DNAH2: variants seen among roughly 807,000 people sequenced by gnomAD.
DNAH2 encodes axonemal beta dynein heavy chain 2.
A neutral mutation model predicts 523.5 loss-of-function variants in DNAH2; 323 were observed. The observed-to-expected ratio is 0.62, with a 90% CI of 0.56 to 0.68. The LOEUF is 0.68. Ranked by LOEUF, DNAH2 falls within the 30% of genes least tolerant of loss-of-function variation. The pLI is 0.00. For missense variants in DNAH2, 4,907 were observed against 5,701.5 expected, an observed-to-expected ratio of 0.86 and a Z score of 4.49; for synonymous variants, 2,093 against 2,177.4, an observed-to-expected ratio of 0.96 and a Z score of 1.08.
At chr17:7,767,267 C>T (rs891369091) in intron 22 of DNAH2, among the ~76,000 whole-genome samples, 2 of 152,116 alleles carry the variant, frequency 1.3e-5, no homozygotes, top group African/African-American at 2.4e-5. Context: ...TGGATCAGTA[C>T]TTTTTTAAAT....
rs201319640 is a variant in DNAH2, at chr17:7,792,996, G to A, written c.7360G>A (p.Val2454Met). 94 of 1,612,248 alleles carry A rather than the reference G, an allele frequency of 5.8e-5. No homozygotes were observed. Among genetic ancestry groups the A allele is most frequent in the African/African-American group, 2.4e-4 (18 of 74,982 alleles). The change falls in exon 48 of 86, where the codon GTG becomes ATG. Residue 2454 changes from valine to methionine, a missense_variant. By Grantham distance (21) the Val-to-Met change is conservative. Transcript: ENST00000572933. ...NMSAQTTSNN[V>M]QSIIESRVEK... ...TTTTCACCAGACCACATCCAATAAC[G>A]TGCAGAGCATCATTGAGAGCAGGGT...
chr17:7,829,899 G>A lies in DNAH2; in HGVS notation c.11854-401G>A, dbSNP rs183894601. Among the ~76,000 whole-genome samples, 391 of 151,966 alleles carry A rather than the reference G, an allele frequency of 2.6e-3. 3 individuals are homozygous for A. The highest frequency in any genetic ancestry group is 8.4e-3 in the African/African-American group (346 of 41,408). ...AAATTAGCTGGGCATGGTGGTGGGC[G>A]CCTGTAATCACAGCTACTTGGGAGG... On this transcript the variant is annotated intron_variant, in intron 77 of 85. Coordinates refer to ENST00000572933, the MANE Select transcript of DNAH2 (RefSeq NM_020877.5).
chr17:7,764,782 C>CTTTTT (rs59188289), intron 20 of DNAH2, among the ~76,000 whole-genome samples: 21 of 49,494 alleles, frequency 4.2e-4, no homozygotes, highest in Non-Finnish European at 6.3e-4. Context: ...ACTGTATTTA[C>CTTTTT]TTTTTTTTTT....
Position 7,798,197 on chromosome 17 carries a change from C to T in DNAH2, c.8271C>T (p.Asn2757=), listed in dbSNP as rs762069609. 21 of 1,611,028 alleles carry T rather than the reference C, an allele frequency of 1.3e-5. No individual in the cohort carries two copies. The Admixed American group carries it at 3.2e-4, about 24-fold the overall frequency. The change falls in exon 54 of 86, where the codon AAC becomes AAT. Residue 2757 remains asparagine (N), a synonymous_variant. Coordinates refer to ENST00000572933, the MANE Select transcript of DNAH2 (RefSeq NM_020877.5). The surrounding 1 kb of genome is among the most constrained non-coding windows in gnomAD (Gnocchi z 5.5). ...IVRVIGQPRG[N]MLLVGIGGSG... ...GGGTCATTGGACAGCCTCGGGGCAACATGCTCCTGGTGGGTATCGGGGGCA... is the reference window on the plus strand; with the variant it reads ...GGGTCATTGGACAGCCTCGGGGCAATATGCTCCTGGTGGGTATCGGGGGCA...
intron 39 of DNAH2, among the ~76,000 whole-genome samples, chr17:7,783,060 G>A (rs1246754709): frequency 6.6e-6 from 1 of 152,112 alleles, no homozygotes; most frequent in Non-Finnish European, 1.5e-5. Context: ...TCTTCAGGAG[G>A]ACTGTTTTTT....
At position 7,723,603 on chromosome 17, in the gene DNAH2, C is replaced by T. The variant is rs751622041; in HGVS notation, c.167-25C>T. On this transcript the variant is annotated intron_variant, in intron 2 of 85. Transcript: ENST00000572933. ...GTTTAACTTTCCAAGAAATGCCTTC[C>T]TTTTTGTATGTTTATTCTTCCTAGA... 9 of 1,611,276 alleles carry T rather than the reference C, an allele frequency of 5.6e-6. 1 individual carries two copies. The Admixed American group carries it at 1.2e-4, about 21-fold the overall frequency.
chr17:7,768,576 C>T (rs1170797582), intron 24 of DNAH2, among the ~76,000 whole-genome samples: 2 of 152,172 alleles, frequency 1.3e-5, no homozygotes, highest in Non-Finnish European at 2.9e-5. Flanking sequence ...AAAAGCTACT[C>T]TCAGTGATTT....
At position 7,816,586 on chromosome 17, in the gene DNAH2, G is replaced by A; in HGVS notation, c.9745G>A (p.Glu3249Lys). 1 of 1,614,226 alleles carries A rather than the reference G, an allele frequency of 6.2e-7. No individual in the cohort carries two copies. Among genetic ancestry groups the A allele is most frequent in the Non-Finnish European group, 8.5e-7 (1 of 1,180,042 alleles). Residue 3249 changes from glutamate (E) to lysine (K), a missense_variant, in exon 64 of 86, where the codon GAG becomes AAG. This residue lies in a region of DNAH2 where 1,851 missense variants were observed against 2,139.4 expected (regional missense o/e 0.87). Transcript: ENST00000572933. ...TCTCTCCCAGGTAGCTGAGAAACTG[G>A]AGATGCTAAAGAAACAGTATGATGA... ...EKLREVAEKL[E>K]MLKKQYDEKL...
chr17:7,800,826 T>C (rs942914230), intron 56 of DNAH2, among the ~76,000 whole-genome samples: 5 of 145,194 alleles, frequency 3.4e-5, no homozygotes, highest in South Asian at 4.6e-4. Context: ...TAGATGGCGC[T>C]ACTGCACTCC....
chr17:7,829,913 C>T (rs574267931), intron 77 of DNAH2, among the ~76,000 whole-genome samples: 1 of 151,212 alleles, frequency 6.6e-6, no homozygotes, highest in Admixed American at 6.6e-5. Context: ...GTAATCACAG[C>T]TACTTGGGAG....
Position 7,723,261 on chromosome 17 carries a change from T to C in DNAH2, c.167-367T>C, listed in dbSNP as rs552703848. 6.2e-3 allele frequency among the ~76,000 whole-genome samples: 823 copies of C among 132,544 alleles called. 5 individuals carry two copies. Among genetic ancestry groups the C allele is most frequent in the Middle Eastern group, 0.024 (6 of 254 alleles). 87.0% of individuals were successfully genotyped at this position (132,544 alleles called of 152,430 possible). A position where few individuals can be genotyped will look rare whatever the true frequency, so the allele number is the denominator to read the frequency against. On this transcript the variant is annotated intron_variant, in intron 2 of 85. Coordinates refer to ENST00000572933, the MANE Select transcript of DNAH2 (RefSeq NM_020877.5). ...CTGGGATTACAGGTGTGAGCCACTG[T>C]ACCCGGCTTTTTTTTTTTTTTTTTT...
In DNAH2 at chr17:7,739,852, C is replaced by G. The variant is rs764171940; in HGVS notation, c.1290C>G (p.Ile430Met). Residue 430 changes from isoleucine (I) to methionine (M), a missense_variant, in exon 9 of 86, where the codon ATC (isoleucine) becomes ATG (methionine). Around this residue, in one of 3 missense-constraint regions of DNAH2, gnomAD observed 2,806 missense variants for 3,190.8 expected, o/e 0.88. Transcript: ENST00000572933. ...ITRNLLEIED[I>M]FHKNLHTLRA... ...GGAACTTGCTGGAGATTGAGGACAT[C>G]TTTCATAAAAATCTGCACACGCTGC... 3.7e-6 allele frequency: 6 copies of G among 1,613,930 alleles called. No homozygotes were observed. Among genetic ancestry groups the G allele is most frequent in the East Asian group, 4.5e-5 (2 of 44,882 alleles).
chr17:7,741,002 T>C lies in DNAH2; in HGVS notation c.1689+10T>C, dbSNP rs758472851. On this transcript the variant is annotated intron_variant, in intron 11 of 85. Coordinates refer to ENST00000572933, the MANE Select transcript of DNAH2 (RefSeq NM_020877.5). Reference sequence around the variant, plus strand: ...CGACAGAGTCATGACCGTAAGTGCCTGGCCTTCTCCATATTCTGTCGTCAG... The same window carrying C: ...CGACAGAGTCATGACCGTAAGTGCCCGGCCTTCTCCATATTCTGTCGTCAG... 1 of 1,590,178 alleles carries C rather than the reference T, an allele frequency of 6.3e-7. No individual in the cohort carries two copies.
At chr17:7,724,742 C>CT (rs57294591) in intron 3 of DNAH2, among the ~76,000 whole-genome samples, 3,748 of 130,366 alleles carry the variant, frequency 0.029, 180 homozygotes, top group Non-Finnish European at 0.044. Flanking sequence ...TCATATGTTA[C>CT]TTTTTTTTTT....
At chr17:7,749,920 C>A (rs1440337398) in intron 12 of DNAH2, among the ~76,000 whole-genome samples, 2 of 152,084 alleles carry the variant, frequency 1.3e-5, no homozygotes, top group African/African-American at 4.8e-5. Flanking sequence ...TCGCTTGAAC[C>A]CGGGAGGCAG....
Position 7,798,223 on chromosome 17 carries a change from G to A in DNAH2, c.8297G>A (p.Ser2766Asn). The A allele has an allele frequency of 6.2e-7, 1 of 1,613,758 alleles. No individual in the cohort carries two copies. Among genetic ancestry groups the A allele is most frequent in the Non-Finnish European group, 8.5e-7 (1 of 1,179,680 alleles). The change falls in exon 54 of 86, where the codon AGC becomes AAC. Residue 2766 changes from serine to asparagine, a missense_variant. Transcript: ENST00000572933. This position sits in a 1 kb window ranked among gnomAD's most constrained non-coding sequence, Gnocchi z 5.5. ...GNMLLVGIGGSGRQSLARLAS... is the reference protein window; with the variant it reads ...GNMLLVGIGGNGRQSLARLAS... The stretch of plus-strand genomic sequence containing the variant: ...ATGCTCCTGGTGGGTATCGGGGGCA[G>A]CGGACGCCAGAGTCTGGCCCGCCTG...
rs1306671973 is a variant in DNAH2 at position 7,807,494 on chromosome 17, G to A, written c.9637G>A (p.Val3213Met). Reference protein sequence around the residue: ...MELYGRLYRVVEPKRIRMNAA... With the variant: ...MELYGRLYRVMEPKRIRMNAA... Reference sequence around the variant, plus strand: ...GCTGTATGGGCGGCTATATCGGGTGGTGGAGCCCAAGCGAATCCGAATGAA... The same window carrying A: ...GCTGTATGGGCGGCTATATCGGGTGATGGAGCCCAAGCGAATCCGAATGAA... Residue 3213 changes from valine to methionine, a missense_variant, in exon 63 of 86, where the codon GTG becomes ATG. By Grantham distance (21) the Val-to-Met change is conservative. This residue lies in a region of DNAH2 where 1,851 missense variants were observed against 2,139.4 expected (regional missense o/e 0.87). Transcript: ENST00000572933. This position sits in a 1 kb window ranked among gnomAD's most constrained non-coding sequence, Gnocchi z 5.6. The A allele has an allele frequency of 1.2e-6, 2 of 1,613,634 alleles. No homozygotes were observed. Among genetic ancestry groups the A allele is most frequent in the Non-Finnish European group, 1.7e-6 (2 of 1,180,040 alleles).
chr17:7,816,547 G>A, intron 63 of DNAH2, 24 bp from the exon 64 acceptor site: 1 of 1,613,384 alleles, frequency 6.2e-7, no homozygotes, highest in Non-Finnish European at 8.5e-7. Context: ...TGTGTTTGAT[G>A]CGCTATACTC....
intron 77 of DNAH2, among the ~76,000 whole-genome samples, chr17:7,826,684 GCC>G (rs2078030964): frequency 6.6e-6 from 1 of 151,574 alleles, no homozygotes; most frequent in Non-Finnish European, 1.5e-5. Flanking sequence ...GATTACAGGT[GCC>G]CGCCACCACA....
Sources: allele counts gnomAD v4.1 joint callset (sites outside exome capture counted in the v4.1 genomes callset), GRCh38; gene constraint gnomAD v4.1.1; regional missense constraint gnomAD v4.1.1; non-coding constraint Gnocchi (gnomAD v3.1); transcripts MANE v1.5; gene names NCBI Gene and HGNC (gene_info 2026-07-23, HGNC 2026-07-21).